The following PARD3B variants were observed in gnomAD, a reference collection of about 807,000 sequenced individuals.
The protein encoded by PARD3B is partitioning defective 3 homolog B.
PARD3B carries 103 observed loss-of-function variants against 130.2 expected under a neutral mutation model. That is an observed-to-expected ratio of 0.79 (90% confidence interval 0.67 to 0.93). The LOEUF (loss-of-function observed/expected upper bound fraction) is 0.93. PARD3B is among the 40% of genes least tolerant of loss of function. PARD3B has a pLI of 0.00. For missense variants in PARD3B, 1,609 were observed against 1,499.2 expected, an observed-to-expected ratio of 1.07 and a Z score of -1.21; for synonymous variants, 583 against 553.2, an observed-to-expected ratio of 1.05 and a Z score of -0.76.
chr2:205,131,720 T>C (rs1370405917), intron 10 of PARD3B, among the ~76,000 whole-genome samples: 2 of 152,168 alleles, frequency 1.3e-5, no homozygotes, highest in Non-Finnish European at 2.9e-5. Context: ...AGAAATACTC[T>C]CTTCAGTTAC....
At chr2:204,715,663 G>T (rs1027689982) in intron 2 of PARD3B, among the ~76,000 whole-genome samples, 1 of 152,078 alleles carries the variant, frequency 6.6e-6, no homozygotes, top group East Asian at 1.9e-4. Context: ...TCTTAGAGAA[G>T]ATCTTCTATA....
intron 4 of PARD3B, among the ~76,000 whole-genome samples, chr2:205,075,985 A>G (rs1701036380): frequency 6.6e-6 from 1 of 152,178 alleles, no homozygotes; most frequent in Non-Finnish European, 1.5e-5. Flanking sequence ...TATATGATAA[A>G]TTACAACTAT....
chr2:205,377,421 A>G (rs889885172), intron 18 of PARD3B, among the ~76,000 whole-genome samples: 1 of 152,166 alleles, frequency 6.6e-6, no homozygotes. Context: ...GGGAAACACC[A>G]GTAAGGGGTT....
intron 2 of PARD3B, among the ~76,000 whole-genome samples, chr2:204,762,116 A>ATTTTTTTTTTTTTTTT (rs968166780): frequency 1.0e-5 from 1 of 95,378 alleles, no homozygotes; most frequent in Non-Finnish European, 2.1e-5. Context: ...TTCTTTTTCT[A>ATTTTTTTTTTTTTTTT]TTTTTTTTTT....
intron 21 of PARD3B, among the ~76,000 whole-genome samples, chr2:205,524,163 T>C (rs2051228219): frequency 6.6e-6 from 1 of 152,232 alleles, no homozygotes; most frequent in Admixed American, 6.5e-5. Context: ...TACCTACATT[T>C]GTCAGGGTTT....
At chr2:204,976,079 C>T (rs1416113946) in intron 3 of PARD3B, among the ~76,000 whole-genome samples, 1 of 152,092 alleles carries the variant, frequency 6.6e-6, no homozygotes, top group Non-Finnish European at 1.5e-5. Context: ...CGAGGTTAGG[C>T]AAAATTTTCA....
chr2:204,592,738 C>A (rs1256927814), intron 1 of PARD3B, among the ~76,000 whole-genome samples: 1 of 152,156 alleles, frequency 6.6e-6, no homozygotes, highest in Non-Finnish European at 1.5e-5. Flanking sequence ...CTCATACATT[C>A]TTCCCCAAAG....
intron 10 of PARD3B, among the ~76,000 whole-genome samples, chr2:205,140,968 T>G (rs181341895): frequency 1.3e-5 from 2 of 152,312 alleles, no homozygotes; most frequent in Non-Finnish European, 2.9e-5. Context: ...CATGTTTGTT[T>G]AGCTAGTGCC....
chr2:205,429,585 A>G (rs1205091641), intron 19 of PARD3B, among the ~76,000 whole-genome samples: 1 of 152,208 alleles, frequency 6.6e-6, no homozygotes, highest in Non-Finnish European at 1.5e-5. Context: ...ACAATCAGAT[A>G]TTTAGGATGG....
At chr2:205,552,339 A>G (rs2052683609) in intron 21 of PARD3B, among the ~76,000 whole-genome samples, 1 of 152,160 alleles carries the variant, frequency 6.6e-6, no homozygotes, top group East Asian at 1.9e-4. Context: ...TGTGGAGTAG[A>G]CAGTTGATTG....
chr2:205,394,539 A>G (rs560661088), intron 18 of PARD3B, among the ~76,000 whole-genome samples: 14 of 152,258 alleles, frequency 9.2e-5, no homozygotes, highest in African/African-American at 1.4e-4. Context: ...TCCTATGCCA[A>G]TGTTCATAGC....
chr2:205,572,787 G>A lies in PARD3B; in HGVS notation c.3260+19384G>A, dbSNP rs1054513793. 1.3e-5 allele frequency among the ~76,000 whole-genome samples: 2 copies of A among 152,080 alleles called. No homozygotes were observed. Among genetic ancestry groups the A allele is most frequent in the African/African-American group, 4.8e-5 (2 of 41,416 alleles). ...GAGAGACAAGACTACAATCAGGAAG[G>A]GCATTGTGAAACTGTTTATGTGGTC... On this transcript the variant is annotated intron_variant, in intron 22 of 22. Coordinates refer to ENST00000406610, the MANE Select transcript of PARD3B (RefSeq NM_001302769.2). This position sits in a 1 kb window ranked among gnomAD's most constrained non-coding sequence, Gnocchi z 4.2.
chr2:205,029,876 A>G (rs1436798343), intron 3 of PARD3B, among the ~76,000 whole-genome samples: 3 of 152,168 alleles, frequency 2.0e-5, no homozygotes, highest in Non-Finnish European at 2.9e-5. Context: ...AGGCACTTGT[A>G]ATTCCTCAGA....
intron 21 of PARD3B, among the ~76,000 whole-genome samples, chr2:205,505,390 A>AAAAATAAAAT (rs4044520): frequency 8.0e-5 from 12 of 150,500 alleles, no homozygotes; most frequent in Admixed American, 1.3e-4. Flanking sequence ...TAAATAATAA[A>AAAAATAAAAT]AAAATAAAAT....
intron 2 of PARD3B, among the ~76,000 whole-genome samples, chr2:204,741,825 C>T (rs1385462083): frequency 3.3e-5 from 5 of 152,060 alleles, no homozygotes; most frequent in African/African-American, 9.7e-5. Flanking sequence ...GTTCTTCCTA[C>T]TCATTATATA....
intron 3 of PARD3B, among the ~76,000 whole-genome samples, chr2:205,004,035 G>A (rs1336236130): frequency 2.0e-5 from 3 of 152,174 alleles, no homozygotes; most frequent in Admixed American, 6.5e-5. Context: ...CTGGATTCCA[G>A]AAACAAAGTT....
rs959565678 is a variant in PARD3B at position 205,021,150 on chromosome 2, G to A, written c.395-26431G>A. On this transcript the variant is annotated intron_variant, in intron 3 of 22. Coordinates refer to ENST00000406610, the MANE Select transcript of PARD3B (RefSeq NM_001302769.2). The surrounding 1 kb of genome is among the most constrained non-coding windows in gnomAD (Gnocchi z 4.5). ...TCTAATACAGCAAATAAAGCAAATT[G>A]GAATGATTTCATGAACCTGTGTAGA... 2.6e-5 allele frequency among the ~76,000 whole-genome samples: 4 copies of A among 152,106 alleles called. No homozygotes were observed. The highest frequency in any genetic ancestry group is 9.7e-5 in the African/African-American group (4 of 41,414).
At chr2:205,449,970 C>T (rs930476156) in intron 20 of PARD3B, among the ~76,000 whole-genome samples, 2 of 152,134 alleles carry the variant, frequency 1.3e-5, no homozygotes, top group Non-Finnish European at 2.9e-5. Flanking sequence ...TAAGTGCATT[C>T]AGTGTGAGAA....
chr2:205,489,023 A>G (rs927303936), intron 20 of PARD3B, among the ~76,000 whole-genome samples: 1 of 152,144 alleles, frequency 6.6e-6, no homozygotes, highest in Non-Finnish European at 1.5e-5. Flanking sequence ...ATCCAAATCT[A>G]TTTTTCTTTG....
Sources: allele counts gnomAD v4.1 joint callset (sites outside exome capture counted in the v4.1 genomes callset), GRCh38; gene constraint gnomAD v4.1.1; non-coding constraint Gnocchi (gnomAD v3.1); transcripts MANE v1.5; gene names NCBI Gene and HGNC (gene_info 2026-07-23, HGNC 2026-07-21).